UBASH3B: variants seen among roughly 807,000 people sequenced by gnomAD.
The protein encoded by UBASH3B is ubiquitin associated and SH3 domain containing B.
In UBASH3B, 37 loss-of-function variants were observed where a neutral mutation model predicts 83.4. The ratio of observed to expected loss-of-function variants is 0.44; its 90% CI spans 0.34 to 0.58. UBASH3B has a LOEUF of 0.58. Among genes scored for constraint, UBASH3B ranks in the 20% least tolerant of loss-of-function variants. UBASH3B has a pLI of 0.01. For synonymous variants in UBASH3B, 304 were observed against 318.3 expected, an observed-to-expected ratio of 0.96 and a Z score of 0.48; for missense variants, 657 against 827.2, an observed-to-expected ratio of 0.79 and a Z score of 2.52.
At chr11:122,735,036 A>G (rs1860910450) in intron 1 of UBASH3B, among the ~76,000 whole-genome samples, 1 of 152,110 alleles carries the variant, frequency 6.6e-6, no homozygotes, top group African/African-American at 2.4e-5. Context: ...GGAGGCCAGT[A>G]CTTTTTCTGC....
At chr11:122,763,667 C>T (rs765120374) in intron 1 of UBASH3B, among the ~76,000 whole-genome samples, 16 of 152,182 alleles carry the variant, frequency 1.1e-4, no homozygotes, top group Non-Finnish European at 1.6e-4. Context: ...GCAGCTCTCA[C>T]ACTGGACAAC....
At chr11:122,747,088 G>A (rs576857603) in intron 1 of UBASH3B, among the ~76,000 whole-genome samples, 69 of 152,316 alleles carry the variant, frequency 4.5e-4, no homozygotes, top group African/African-American at 1.5e-3. Flanking sequence ...GGTGGTCACC[G>A]GAGAGGCAGC....
chr11:122,767,266 C>T (rs1219078481), intron 1 of UBASH3B, among the ~76,000 whole-genome samples: 1 of 140,848 alleles, frequency 7.1e-6, no homozygotes, highest in Non-Finnish European at 1.5e-5. Flanking sequence ...GACTCCGTCT[C>T]AAAAAAAAAA....
In UBASH3B at chr11:122,810,603, A is replaced by G. The variant is rs906639188; in HGVS notation, c.*717A>G. 6.6e-6 allele frequency: 1 copy of G among 152,578 alleles called. No homozygotes were observed. Among genetic ancestry groups the G allele is most frequent in the Non-Finnish European group, 1.5e-5 (1 of 68,024 alleles). The allele number at this position is 152,578 out of a possible 1,614,324, so 9.5% of individuals were successfully genotyped here. The stretch of plus-strand genomic sequence containing the variant: ...CTTTTGCTCTCCAAAGCACTTTTGG[A>G]TACTCAGGAGGAAAGATAAGATACA... On this transcript the variant is annotated 3_prime_UTR_variant, in exon 14 of 14. Coordinates refer to ENST00000284273, the MANE Select transcript of UBASH3B (RefSeq NM_032873.5).
At position 122,764,379 on chromosome 11, in the gene UBASH3B, C is replaced by T. The variant is rs187791434; in HGVS notation, c.162-11840C>T. On this transcript the variant is annotated intron_variant, in intron 1 of 13. Coordinates refer to ENST00000284273, the MANE Select transcript of UBASH3B (RefSeq NM_032873.5). ...CTGTGGGCTTGTAATCACTTCCTTT[C>T]TGAAAACGAAAAAAACGAGAGCACC... Among the ~76,000 whole-genome samples, 252 of 152,322 alleles carry T rather than the reference C, an allele frequency of 1.7e-3. 2 individuals carry two copies. The highest frequency in any genetic ancestry group is 6.0e-3 in the African/African-American group (249 of 41,580).
At chr11:122,686,648 T>C (rs563129317) in intron 1 of UBASH3B, among the ~76,000 whole-genome samples, 1 of 152,126 alleles carries the variant, frequency 6.6e-6, no homozygotes, top group African/African-American at 2.4e-5. Flanking sequence ...TTAATAGAGC[T>C]CCGTGTGCAG....
At chr11:122,785,009 T>C (rs1382980496) in intron 5 of UBASH3B, among the ~76,000 whole-genome samples, 2 of 152,148 alleles carry the variant, frequency 1.3e-5, no homozygotes, top group Non-Finnish European at 2.9e-5. Context: ...AAGGGTTGCG[T>C]GCAGATGGCC....
At chr11:122,802,461 G>T (rs1330810925) in intron 11 of UBASH3B, among the ~76,000 whole-genome samples, 1 of 151,976 alleles carries the variant, frequency 6.6e-6, no homozygotes, top group Admixed American at 6.6e-5. Flanking sequence ...ATTTCTTAAG[G>T]CAGAGTTTGT....
intron 1 of UBASH3B, among the ~76,000 whole-genome samples, chr11:122,658,441 C>T (rs1262411866): frequency 6.6e-6 from 1 of 152,160 alleles, no homozygotes; most frequent in African/African-American, 2.4e-5. Context: ...GCATAAGGGT[C>T]ATTTTTGGCT....
chr11:122,794,784 C>A lies in UBASH3B; in HGVS notation c.1063C>A (p.Gln355Lys). Residue 355 changes from glutamine to lysine, a missense_variant, in exon 7 of 14, where the codon CAG becomes AAG. Coordinates refer to ENST00000284273, the MANE Select transcript of UBASH3B (RefSeq NM_032873.5). ...ATTGGAGAGGCGGCCTTATGAGGACCAGGGGCTCGGGGAGACGACTCCTCT... is the reference window on the plus strand; with the variant it reads ...ATTGGAGAGGCGGCCTTATGAGGACAAGGGGCTCGGGGAGACGACTCCTCT... Reference protein sequence around the residue: ...GVLERRPYEDQGLGETTPLTI... With the variant: ...GVLERRPYEDKGLGETTPLTI... The A allele has an allele frequency of 6.2e-7, 1 of 1,614,046 alleles. No homozygotes were observed. Among genetic ancestry groups the A allele is most frequent in the Non-Finnish European group, 8.5e-7 (1 of 1,180,002 alleles).
intron 1 of UBASH3B, 104 bp downstream of exon 1, chr11:122,656,314 G>T (rs1016978288): frequency 4.4e-5 from 51 of 1,160,120 alleles, no homozygotes; most frequent in East Asian, 3.3e-5. Flanking sequence ...CAGGCAGCGC[G>T]CTCCCCGCTG....
intron 1 of UBASH3B, among the ~76,000 whole-genome samples, chr11:122,734,767 TGA>T (rs1860904886): frequency 6.6e-6 from 1 of 150,624 alleles, no homozygotes; most frequent in South Asian, 2.1e-4. Flanking sequence ...AGAATTATGA[TGA>T]GTTTAATCCT....
intron 1 of UBASH3B, among the ~76,000 whole-genome samples, chr11:122,692,493 A>G (rs908163940): frequency 6.6e-6 from 1 of 152,218 alleles, no homozygotes; most frequent in Non-Finnish European, 1.5e-5. Context: ...GATGTGGGAT[A>G]CACCCTACAG....
rs1307584164 is a variant in UBASH3B, at chr11:122,745,342, G to A, written c.162-30877G>A. ...GCACAGTTCCTGGTAGCTGGCAGGG[G>A]TCAGTGCATTCATTCAGCAAGTATT... is the stretch of plus-strand genomic sequence containing the variant. On this transcript the variant is annotated intron_variant, in intron 1 of 13. Transcript: ENST00000284273. Among the ~76,000 whole-genome samples, 7 of 152,276 alleles carry A rather than the reference G, an allele frequency of 4.6e-5. No individual in the cohort carries two copies. The East Asian group carries it at 1.3e-3, about 29-fold the overall frequency.
intron 1 of UBASH3B, among the ~76,000 whole-genome samples, chr11:122,760,825 C>T (rs1861359310): frequency 6.6e-6 from 1 of 152,172 alleles, no homozygotes; most frequent in Non-Finnish European, 1.5e-5. Context: ...GATGGGATGC[C>T]TTACGTTGAA....
chr11:122,766,850 C>G (rs950798254), intron 1 of UBASH3B, among the ~76,000 whole-genome samples: 3 of 152,264 alleles, frequency 2.0e-5, no homozygotes, highest in Non-Finnish European at 4.4e-5. Flanking sequence ...CATATTTTGC[C>G]TACCTCTGGA....
chr11:122,744,031 C>T (rs1411535045), intron 1 of UBASH3B, among the ~76,000 whole-genome samples: 1 of 152,224 alleles, frequency 6.6e-6, no homozygotes, highest in Non-Finnish European at 1.5e-5. Context: ...CCTCATGCAG[C>T]CCAGCTCTCC....
intron 1 of UBASH3B, among the ~76,000 whole-genome samples, chr11:122,697,446 T>C (rs1023745145): frequency 1.3e-5 from 2 of 152,128 alleles, no homozygotes; most frequent in African/African-American, 4.8e-5. Context: ...AATAAATAAA[T>C]AAATAAAATC....
At chr11:122,686,242 A>C (rs991497017) in intron 1 of UBASH3B, among the ~76,000 whole-genome samples, 1 of 152,214 alleles carries the variant, frequency 6.6e-6, no homozygotes, top group Non-Finnish European at 1.5e-5. Flanking sequence ...GTCTAAGTGG[A>C]GCTGAGAGAA....
Sources: allele counts gnomAD v4.1 joint callset (sites outside exome capture counted in the v4.1 genomes callset), GRCh38; gene constraint gnomAD v4.1.1; transcripts MANE v1.5; gene names NCBI Gene and HGNC (gene_info 2026-07-23, HGNC 2026-07-21).